KCNIP4: variants seen among roughly 807,000 people sequenced by gnomAD.
The protein encoded by KCNIP4 is Kv channel-interacting protein 4.
A neutral mutation model predicts 34.0 loss-of-function variants in KCNIP4; 12 were observed. That is an observed-to-expected ratio of 0.35 (90% CI 0.23 to 0.57). The LOEUF (loss-of-function observed/expected upper bound fraction) is 0.57. Ranked by LOEUF, KCNIP4 falls within the 20% of genes least tolerant of loss-of-function variation. The probability of loss-of-function intolerance (pLI) is 0.83; values close to 1 mark genes in which losing one functional copy is unlikely to be tolerated. For missense variants in KCNIP4, 238 were observed against 311.7 expected (o/e 0.76, Z 1.78); for synonymous variants, 124 against 102.2 (o/e 1.21, Z -1.29).
At chr4:20,983,818 C>T (rs1166538446) in intron 1 of KCNIP4, 1 of 1,536,306 alleles carries the variant, frequency 6.5e-7, no homozygotes. Context: ...CTTTACCTTC[C>T]GAAAAATCAA....
At position 21,042,418 on chromosome 4, in the gene KCNIP4, G is replaced by C. The variant is rs927579619; in HGVS notation, c.62-159709C>G. On this transcript the variant is annotated intron_variant, in intron 1 of 8. Transcript: ENST00000382152. ...ATAAGCCTGGGGAGCATTAGGTTAA[G>C]TGAAATAAGTCAGACACAGAAAGAC... Among the ~76,000 whole-genome samples the C allele has an allele frequency of 7.2e-5, 11 of 152,298 alleles. No individual in the cohort carries two copies. The East Asian group carries it at 2.1e-3, about 29-fold the overall frequency.
intron 1 of KCNIP4, among the ~76,000 whole-genome samples, chr4:20,964,890 T>A (rs184262659): frequency 1.6e-3 from 241 of 152,268 alleles, no homozygotes; most frequent in African/African-American, 5.5e-3. Context: ...TAGAAAATGT[T>A]TTGGAGAGAT....
intron 1 of KCNIP4, among the ~76,000 whole-genome samples, chr4:21,482,213 G>A (rs904331957): frequency 1.1e-4 from 16 of 152,058 alleles, no homozygotes; most frequent in Admixed American, 7.9e-4. Flanking sequence ...GTCTCTGCAC[G>A]TGAGATGGGT....
At chr4:20,892,839 G>C (rs1050042345) in intron 1 of KCNIP4, among the ~76,000 whole-genome samples, 5 of 152,186 alleles carry the variant, frequency 3.3e-5, no homozygotes, top group African/African-American at 1.2e-4. Flanking sequence ...AAACAACATG[G>C]AAAAGGCATC....
chr4:20,999,442 T>G (rs1011020186), intron 1 of KCNIP4, among the ~76,000 whole-genome samples: 1 of 127,012 alleles, frequency 7.9e-6, no homozygotes, highest in South Asian at 2.4e-4. Flanking sequence ...TTTTTTGTTT[T>G]TTTTTTTTTT....
chr4:20,842,446 A>G (rs910917521), intron 3 of KCNIP4, among the ~76,000 whole-genome samples: 2 of 152,078 alleles, frequency 1.3e-5, no homozygotes, highest in Non-Finnish European at 2.9e-5. Flanking sequence ...ATGGTTGGTC[A>G]AGGCCTGGCT....
chr4:21,774,430 C>T (rs999486230), intron 1 of KCNIP4, among the ~76,000 whole-genome samples: 3 of 152,108 alleles, frequency 2.0e-5, no homozygotes, highest in African/African-American at 7.2e-5. Context: ...TTGATCTTCT[C>T]ATGTTGTATC....
At chr4:21,007,071 G>C (rs1292173156) in intron 1 of KCNIP4, among the ~76,000 whole-genome samples, 1 of 152,128 alleles carries the variant, frequency 6.6e-6, no homozygotes, top group Non-Finnish European at 1.5e-5. Context: ...AGAATCACCA[G>C]TAGAACTTAA....
intron 1 of KCNIP4, among the ~76,000 whole-genome samples, chr4:21,690,707 A>G (rs1395072120): frequency 6.6e-6 from 1 of 152,204 alleles, no homozygotes; most frequent in Non-Finnish European, 1.5e-5. Context: ...ACAGCAATGC[A>G]AAACAGAGTA....
chr4:21,635,461 A>T (rs999769017), intron 1 of KCNIP4, among the ~76,000 whole-genome samples: 1 of 152,216 alleles, frequency 6.6e-6, no homozygotes, highest in Admixed American at 6.5e-5. Context: ...GGAAAGATCC[A>T]TCAAAAAGTG....
intron 1 of KCNIP4, among the ~76,000 whole-genome samples, chr4:21,742,630 A>G (rs1299321153): frequency 6.6e-6 from 1 of 152,204 alleles, no homozygotes; most frequent in East Asian, 1.9e-4. Context: ...GTACTGGTAA[A>G]TTTGGTCAAG....
chr4:20,940,780 C>CTGTTG (rs1174061655), intron 1 of KCNIP4, among the ~76,000 whole-genome samples: 1 of 152,180 alleles, frequency 6.6e-6, no homozygotes, highest in Non-Finnish European at 1.5e-5. Flanking sequence ...AGTCTTTGAA[C>CTGTTG]TACCTTTGTC....
chr4:21,131,082 T>C (rs948657876), intron 1 of KCNIP4, among the ~76,000 whole-genome samples: 11 of 152,144 alleles, frequency 7.2e-5, no homozygotes, highest in African/African-American at 2.7e-4. Flanking sequence ...TCTGTATATA[T>C]ATGCTCCCCG....
intron 1 of KCNIP4, among the ~76,000 whole-genome samples, chr4:20,963,051 G>A (rs1733997846): frequency 1.3e-5 from 2 of 152,114 alleles, no homozygotes; most frequent in South Asian, 4.1e-4. Flanking sequence ...GCCAGACATG[G>A]TGGCTCACAT....
At chr4:21,798,556 GA>G (rs1009779749) in intron 1 of KCNIP4, among the ~76,000 whole-genome samples, 1 of 109,592 alleles carries the variant, frequency 9.1e-6, no homozygotes, top group Admixed American at 9.0e-5. Flanking sequence ...GAGAAAGAGA[GA>G]AAGAAAAAGA....
chr4:21,323,689 T>C (rs897981648), intron 1 of KCNIP4, among the ~76,000 whole-genome samples: 1 of 152,078 alleles, frequency 6.6e-6, no homozygotes, highest in African/African-American at 2.4e-5. Flanking sequence ...GTAGCTTCCG[T>C]ATCTTGGATA....
intron 1 of KCNIP4, among the ~76,000 whole-genome samples, chr4:21,109,754 C>T (rs190594990): frequency 2.0e-5 from 3 of 152,214 alleles, no homozygotes; most frequent in Non-Finnish European, 4.4e-5. Context: ...GCTGCCCTCC[C>T]GTATATGGAG....
At chr4:20,780,977 C>T (rs1491363) in intron 3 of KCNIP4, among the ~76,000 whole-genome samples, 59,619 of 151,948 alleles carry the variant, frequency 0.39, 12,283 homozygotes, top group Admixed American at 0.5. Flanking sequence ...TCAATGTAGC[C>T]TCGTAGTTTC....
chr4:21,167,561 A>T (rs576534739), intron 1 of KCNIP4, among the ~76,000 whole-genome samples: 23 of 152,218 alleles, frequency 1.5e-4, no homozygotes, highest in Admixed American at 1.3e-4. Context: ...AATTGTAAAG[A>T]TACTAACAGA....
Sources: allele counts gnomAD v4.1 joint callset (sites outside exome capture counted in the v4.1 genomes callset), GRCh38; gene constraint gnomAD v4.1.1; transcripts MANE v1.5; gene names NCBI Gene and HGNC (gene_info 2026-07-23, HGNC 2026-07-21).